REV1: variants seen among roughly 807,000 people sequenced by gnomAD.
The protein encoded by REV1 is REV1 DNA directed polymerase, also known as translesion synthesis protein REV1.
A neutral mutation model predicts 137.4 loss-of-function variants in REV1; 42 were observed. That is an observed-to-expected ratio of 0.31 (90% CI 0.24 to 0.40). The LOEUF is 0.40. REV1 is among the 10% of genes least tolerant of loss of function. The probability of loss-of-function intolerance (pLI) is 1.00; values close to 1 mark genes in which losing one functional copy is unlikely to be tolerated. For missense variants in REV1, 1,282 were observed against 1,490.1 expected (o/e 0.86, Z 2.30); for synonymous variants, 524 against 519.2 (o/e 1.01, Z -0.12).
chr2:99,464,536 C>T (rs17022732), intron 2 of REV1, among the ~76,000 whole-genome samples: 1,705 of 152,216 alleles, frequency 0.011, 30 homozygotes, highest in African/African-American at 0.039. Context: ...TCAAGGTTAT[C>T]CTTCCAGGTT....
At chr2:99,460,899 T>G (rs1445335570) in intron 3 of REV1, among the ~76,000 whole-genome samples, 2 of 152,198 alleles carry the variant, frequency 1.3e-5, no homozygotes, top group Non-Finnish European at 2.9e-5. Context: ...AATCAAAAAG[T>G]GATTACTGCA....
chr2:99,436,043 C>A, intron 6 of REV1, 102 bp from the exon 7 acceptor site: 1 of 717,662 alleles, frequency 1.4e-6, no homozygotes, highest in Non-Finnish European at 2.4e-6. Context: ...ATGCTTACAC[C>A]CAGAATGGAG....
At position 99,404,559 on chromosome 2, in the gene REV1, C is replaced by T. The variant is rs770317922; in HGVS notation, c.2930G>A (p.Cys977Tyr). Residue 977 changes from cysteine to tyrosine, a missense_variant, in exon 18 of 23, where the codon TGT (cysteine) becomes TAT (tyrosine). By Grantham distance (194) the Cys-to-Tyr change is radical (BLOSUM62 -2). Around this residue, in one of 7 missense-constraint regions of REV1, gnomAD observed 135 missense variants for 123.3 expected, o/e 1.10. Transcript: ENST00000258428. ...GDKKKEPVNG[C>Y]NTGILPQPVG... The stretch of plus-strand genomic sequence containing the variant: ...TGGTTGTGGCAAAATTCCTGTATTA[C>T]AGCCATTTACTGGTTCTTTCTTTTT... 1.9e-6 allele frequency: 3 copies of T among 1,614,146 alleles called. No individual in the cohort carries two copies. The East Asian group carries it at 6.7e-5, about 36-fold the overall frequency.
At chr2:99,489,140 G>C (rs750342932) in intron 1 of REV1, among the ~76,000 whole-genome samples, 1 of 152,154 alleles carries the variant, frequency 6.6e-6, no homozygotes, top group Non-Finnish European at 1.5e-5. Context: ...TACAGAAGTG[G>C]GCAAGGGGCT....
At chr2:99,437,369 G>T (rs186014781) in intron 6 of REV1, among the ~76,000 whole-genome samples, 1 of 152,046 alleles carries the variant, frequency 6.6e-6, no homozygotes, top group African/African-American at 2.4e-5. Flanking sequence ...ACTAAGACTC[G>T]GAGAGGTGAA....
intron 17 of REV1, 70 bp downstream of exon 17, chr2:99,405,840 T>C: frequency 1.8e-6 from 2 of 1,103,138 alleles, no homozygotes; most frequent in Non-Finnish European, 2.4e-6. Context: ...TTTTCATTTG[T>C]AAACTTGTAT....
chr2:99,483,036 T>TAAA (rs1174960411), intron 1 of REV1, among the ~76,000 whole-genome samples: 4 of 138,530 alleles, frequency 2.9e-5, no homozygotes, highest in Non-Finnish European at 4.7e-5. Context: ...AAAAAAAAAT[T>TAAA]TTTTTTTTGT....
In REV1 at chr2:99,471,568, T is replaced by C. The variant is rs981563094; in HGVS notation, c.-10-6583A>G. On this transcript the variant is annotated intron_variant, in intron 1 of 22. Transcript: ENST00000258428. ...AAAAAAACAGATAAACTGGACTACATAAAAATTTAAAACTTCTGTGAATCA... is the reference window on the plus strand; with the variant it reads ...AAAAAAACAGATAAACTGGACTACACAAAAATTTAAAACTTCTGTGAATCA... Among the ~76,000 whole-genome samples, 6 of 151,950 alleles carry C rather than the reference T, an allele frequency of 3.9e-5. No individual in the cohort carries two copies. The South Asian group carries it at 6.2e-4, about 16-fold the overall frequency.
rs370145088 is a variant in REV1 at position 99,403,157 on chromosome 2, C to A, written c.3167-51G>T. The A allele has an allele frequency of 4.1e-5, 57 of 1,405,510 alleles. 1 individual carries two copies. In the Middle Eastern group the frequency reaches 8.1e-4, roughly 20 times the overall value. The allele number at this position is 1,405,510 out of a possible 1,614,324, so 87.1% of individuals were successfully genotyped here. On this transcript the variant is annotated intron_variant, in intron 19 of 22. Coordinates refer to ENST00000258428, the MANE Select transcript of REV1 (RefSeq NM_016316.4). ...TCAACAAAATGATAGTATGGATAGT[C>A]TGGATGACAGTATTGGGTTCTCTTT...
chr2:99,443,943 C>T (rs1214166006), intron 4 of REV1, among the ~76,000 whole-genome samples: 5 of 152,076 alleles, frequency 3.3e-5, no homozygotes, highest in South Asian at 2.1e-4. Flanking sequence ...CTCAGCTTCC[C>T]GAGTAGCTGG....
intron 15 of REV1, among the ~76,000 whole-genome samples, chr2:99,407,079 TC>T (rs1334582401): frequency 1.0e-4 from 12 of 119,496 alleles, no homozygotes; most frequent in Admixed American, 1.9e-4. Flanking sequence ...CTACAAAGGT[TC>T]TTTTTTTTTT....
At chr2:99,436,132 A>AGTTT (rs28382894) in intron 6 of REV1, among the ~76,000 whole-genome samples, 191 bp from the exon 7 acceptor site, 89,778 of 151,584 alleles carry the variant, frequency 0.59, 27,047 homozygotes, top group African/African-American at 0.66. Context: ...GTCTCTAATT[A>AGTTT]GTCAAAAAGT....
chr2:99,401,762 C>G (rs1278653902), intron 22 of REV1, among the ~76,000 whole-genome samples: 1 of 152,022 alleles, frequency 6.6e-6, no homozygotes, highest in African/African-American at 2.4e-5. Context: ...AAATAAAATC[C>G]TAGAACACTC....
intron 1 of REV1, among the ~76,000 whole-genome samples, chr2:99,488,717 G>A (rs759772090): frequency 6.6e-6 from 1 of 152,178 alleles, no homozygotes; most frequent in Admixed American, 6.5e-5. Context: ...CCCACAGGCT[G>A]ATTTGCTACA....
chr2:99,403,573 A>G (rs1043395666), intron 19 of REV1, 122 bp downstream of exon 19: 38 of 1,211,222 alleles, frequency 3.1e-5, no homozygotes, highest in Admixed American at 2.2e-4. Context: ...ATATTATCCC[A>G]ATATGAAGAG....
chr2:99,449,054 G>A (rs1263490755), intron 4 of REV1, among the ~76,000 whole-genome samples: 1 of 152,166 alleles, frequency 6.6e-6, no homozygotes, highest in East Asian at 1.9e-4. Flanking sequence ...GGCCAAGGCT[G>A]GAGGACTGTT....
At chr2:99,406,513 T>C (rs773788414) in intron 15 of REV1, 23 bp from the exon 16 acceptor site, 4 of 1,546,106 alleles carry the variant, frequency 2.6e-6, no homozygotes, top group Non-Finnish European at 3.5e-6. Flanking sequence ...ATAAAGAGTA[T>C]GCTTCTAGGA....
intron 13 of REV1, among the ~76,000 whole-genome samples, chr2:99,411,351 C>T (rs1677111895): frequency 6.6e-6 from 1 of 151,958 alleles, no homozygotes; most frequent in African/African-American, 2.4e-5. Context: ...ATACAAATAC[C>T]CACCTTCCCA....
intron 1 of REV1, among the ~76,000 whole-genome samples, chr2:99,474,464 C>G (rs970580353): frequency 6.6e-6 from 1 of 152,158 alleles, no homozygotes; most frequent in Admixed American, 6.5e-5. Context: ...TCTGAAGTAA[C>G]CTAACACAAT....
Sources: gnomAD v4.1 joint callset for allele counts (sites outside exome capture counted in the v4.1 genomes callset) on GRCh38, gnomAD v4.1.1 for gene constraint, gnomAD v4.1.1 regional missense constraint, MANE v1.5 for transcripts, NCBI Gene and HGNC (gene_info 2026-07-23, HGNC 2026-07-21) for gene names.